CEP78: variants seen among roughly 807,000 people sequenced by gnomAD.
CEP78 encodes centrosomal protein 78, also known as centrosomal protein of 78 kDa.
In CEP78, 76 loss-of-function variants were observed where a neutral mutation model predicts 81.2. That is an observed-to-expected ratio of 0.94 (90% CI 0.78 to 1.13). The LOEUF (loss-of-function observed/expected upper bound fraction) is 1.13. Ranked by LOEUF, CEP78 falls within the 50% of genes most tolerant of loss-of-function variation. The pLI is 0.00. For missense variants in CEP78, 918 were observed against 846.8 expected (o/e 1.08, Z -1.04); for synonymous variants, 293 against 301.4 (o/e 0.97, Z 0.29).
chr9:78,258,989 A>C (rs1206200160), intron 11 of CEP78, among the ~76,000 whole-genome samples: 1 of 152,154 alleles, frequency 6.6e-6, no homozygotes, highest in Non-Finnish European at 1.5e-5. Context: ...TTGGGACCCA[A>C]CAAGTCATCT....
rs1258582047 is a variant in CEP78 at position 78,240,334 on chromosome 9, A to G, written c.469A>G (p.Asn157Asp). 9 of 1,591,758 alleles carry G rather than the reference A, an allele frequency of 5.7e-6. No individual in the cohort carries two copies. The highest frequency in any genetic ancestry group is 7.7e-6 in the Non-Finnish European group (9 of 1,167,448). ...TTCTTTGGTGCACCTGTCTCTTGCA[A>G]ATTGTCCAATTGGAGATGGAGGTTT... ...SASLVHLSLANCPIGDGGLEI... is the reference protein window; with the variant it reads ...SASLVHLSLADCPIGDGGLEI... The change falls in exon 3 of 17, where the codon AAT becomes GAT. Residue 157 changes from asparagine (N) to aspartate (D), a missense_variant. Asn to Asp is a conservative substitution (Grantham distance 23). Transcript: ENST00000643273.
chr9:78,268,059 G>A (rs931417924), intron 16 of CEP78, among the ~76,000 whole-genome samples: 9 of 152,092 alleles, frequency 5.9e-5, no homozygotes, highest in South Asian at 4.1e-4. Flanking sequence ...AGCAGATGTC[G>A]TAATACCGTA....
At chr9:78,243,685 T>G (rs758316310) in intron 5 of CEP78, 49 bp downstream of exon 5, 10 of 1,480,240 alleles carry the variant, frequency 6.8e-6, no homozygotes, top group Non-Finnish European at 4.7e-6. Flanking sequence ...TTTTTGATAT[T>G]AAATATGCTT....
chr9:78,268,717 C>G (rs543993504), intron 16 of CEP78, among the ~76,000 whole-genome samples: 164 of 139,660 alleles, frequency 1.2e-3, no homozygotes, highest in Middle Eastern at 4.1e-3. Flanking sequence ...GAGTCTTGCT[C>G]TGTCGCCCAG....
Position 78,239,471 on chromosome 9 carries a change from C to G in CEP78, c.254-552C>G, listed in dbSNP as rs1587549070. Among the ~76,000 whole-genome samples the G allele has an allele frequency of 3.3e-5, 5 of 152,180 alleles. No individual in the cohort carries two copies. The South Asian group carries it at 8.3e-4, about 25-fold the overall frequency. On this transcript the variant is annotated intron_variant, in intron 1 of 16. Transcript: ENST00000643273. Reference sequence around the variant, plus strand: ...GTTAGTTGGTCTTGAGGAAGGGGAGCTTTTTCTCATTTCCTTTATCTCTTT... The same window carrying G: ...GTTAGTTGGTCTTGAGGAAGGGGAGGTTTTTCTCATTTCCTTTATCTCTTT...
intron 6 of CEP78, 61 bp downstream of exon 6, chr9:78,246,843 G>A (rs1392469510): frequency 2.1e-6 from 2 of 938,198 alleles, no homozygotes; most frequent in Non-Finnish European, 3.2e-6. Flanking sequence ...AATTTCTCAT[G>A]TATTGACAGT....
chr9:78,248,377 C>T, intron 7 of CEP78, 22 bp downstream of exon 7: 3 of 1,476,336 alleles, frequency 2.0e-6, no homozygotes, highest in South Asian at 2.3e-5. Flanking sequence ...TTTATTTCTC[C>T]AGAAAGAATT....
At chr9:78,242,780 G>C (rs906798002) in intron 4 of CEP78, among the ~76,000 whole-genome samples, 16 of 152,180 alleles carry the variant, frequency 1.1e-4, no homozygotes, top group African/African-American at 3.9e-4. Context: ...ATAAAGAGAA[G>C]TGATTATGTC....
intron 15 of CEP78, 124 bp downstream of exon 15, chr9:78,266,030 G>A: frequency 6.4e-6 from 4 of 623,512 alleles, no homozygotes; most frequent in South Asian, 6.0e-5. Context: ...GGAGTCCCCT[G>A]CTGCTTTTCC....
chr9:78,240,320 A>G lies in CEP78; in HGVS notation c.455A>G (p.His152Arg), dbSNP rs762414246. The G allele has an allele frequency of 1.9e-6, 3 of 1,597,174 alleles. No homozygotes were observed. The highest frequency in any genetic ancestry group is 2.6e-6 in the Non-Finnish European group (3 of 1,170,534). Residue 152 changes from histidine (H) to arginine (R), a missense_variant, in exon 3 of 17, where the codon CAC (histidine) becomes CGC (arginine). His to Arg is a conservative substitution (Grantham distance 29). Transcript: ENST00000643273. Reference sequence around the variant, plus strand: ...TTGAATAAATCGGCTTCTTTGGTGCACCTGTCTCTTGCAAATTGTCCAATT... The same window carrying G: ...TTGAATAAATCGGCTTCTTTGGTGCGCCTGTCTCTTGCAAATTGTCCAATT... ...KGLNKSASLV[H>R]LSLANCPIGD...
At chr9:78,252,673 T>G (rs79115014) in intron 9 of CEP78, among the ~76,000 whole-genome samples, 2,693 of 152,292 alleles carry the variant, frequency 0.018, 62 homozygotes, top group Non-Finnish European at 0.019. Context: ...AACAATTGCT[T>G]AAGAAAACAA....
chr9:78,255,040 T>C (rs1467561175), intron 11 of CEP78, 76 bp downstream of exon 11: 44 of 1,241,726 alleles, frequency 3.5e-5, no homozygotes, highest in Non-Finnish European at 4.5e-5. Context: ...AGCTTGATTA[T>C]GAACTGGACA....
chr9:78,258,823 A>G (rs998425394), intron 11 of CEP78, among the ~76,000 whole-genome samples: 16 of 152,208 alleles, frequency 1.1e-4, no homozygotes, highest in African/African-American at 3.9e-4. Context: ...CTACACTCCT[A>G]TCAGATTGGC....
intron 13 of CEP78, among the ~76,000 whole-genome samples, chr9:78,265,023 T>C (rs1251564059): frequency 6.6e-6 from 1 of 152,086 alleles, no homozygotes; most frequent in East Asian, 1.9e-4. Flanking sequence ...GTGGTATAGA[T>C]GTGTGGGGAT....
chr9:78,262,838 A>C, intron 11 of CEP78, 69 bp from the exon 12 acceptor site: 3 of 950,086 alleles, frequency 3.2e-6, no homozygotes, highest in South Asian at 1.7e-5. Context: ...GGTGAGCTCA[A>C]CAGCTGGAAG....
At chr9:78,253,573 G>A (rs547101348) in intron 10 of CEP78, 109 of 307,046 alleles carry the variant, frequency 3.5e-4, no homozygotes, top group Non-Finnish European at 5.9e-4. Context: ...GACACATGGA[G>A]CTATCATAGT....
chr9:78,237,739 C>G (rs184121453), intron 1 of CEP78, among the ~76,000 whole-genome samples: 24 of 152,114 alleles, frequency 1.6e-4, no homozygotes, highest in African/African-American at 5.3e-4. Context: ...AGTCTAGCCT[C>G]CATATGGAAG....
intron 11 of CEP78, among the ~76,000 whole-genome samples, chr9:78,259,158 G>A (rs181331135): frequency 6.6e-6 from 1 of 152,286 alleles, no homozygotes; most frequent in Non-Finnish European, 1.5e-5. Flanking sequence ...ATGAACAAGA[G>A]CTACAGGCAA....
chr9:78,276,627 A>T lies in CEP78; in HGVS notation c.*5776A>T, dbSNP rs1827810174. ...CGGTATGAAAAGTGTGTACACCAGC[A>T]ATAACCAATTAGAAAATGTATGAGG... On this transcript the variant is annotated 3_prime_UTR_variant, in exon 17 of 17. Coordinates refer to ENST00000643273, the MANE Select transcript of CEP78 (RefSeq NM_001330691.3). The T allele has an allele frequency of 6.6e-6, 1 of 152,174 alleles. No individual in the cohort carries two copies. Among genetic ancestry groups the T allele is most frequent in the Admixed American group, 6.5e-5 (1 of 15,276 alleles). 9.4% of individuals were successfully genotyped at this position (152,174 alleles called of 1,614,324 possible).
Sources: allele counts gnomAD v4.1 joint callset (sites outside exome capture counted in the v4.1 genomes callset), GRCh38; gene constraint gnomAD v4.1.1; transcripts MANE v1.5; gene names NCBI Gene and HGNC (gene_info 2026-07-23, HGNC 2026-07-21).